ASB3: variants seen among roughly 807,000 people sequenced by gnomAD.
The protein encoded by ASB3 is ankyrin repeat and SOCS box protein 3.
Under a neutral mutation model 54.5 loss-of-function variants are expected in ASB3, and 41 were observed. That is an observed-to-expected ratio of 0.75 (90% CI 0.59 to 0.98). The LOEUF (loss-of-function observed/expected upper bound fraction) is 0.98. Ranked by LOEUF, ASB3 falls within the 50% of genes least tolerant of loss-of-function variation. ASB3 has a pLI of 0.00. For missense variants in ASB3, 733 were observed against 620.0 expected (o/e 1.18, Z -1.94); for synonymous variants, 266 against 221.2 (o/e 1.20, Z -1.80).
chr2:53,720,226 G>C (rs1210465344), intron 5 of ASB3, among the ~76,000 whole-genome samples: 5 of 151,622 alleles, frequency 3.3e-5, no homozygotes. Flanking sequence ...CGCTTTTCCA[G>C]ACAGAACCAA....
intron 2 of ASB3, among the ~76,000 whole-genome samples, chr2:53,757,835 C>T (rs1163431726): frequency 6.6e-6 from 1 of 152,210 alleles, no homozygotes; most frequent in Non-Finnish European, 1.5e-5. Flanking sequence ...ATGTAAGATG[C>T]TCTCCTCCCC....
In ASB3 at chr2:53,748,620, C is replaced by T. The variant is rs561622100; in HGVS notation, c.355+2163G>A. Among the ~76,000 whole-genome samples, 13 of 152,264 alleles carry T rather than the reference C, an allele frequency of 8.5e-5. No homozygotes were observed. In the South Asian group the frequency reaches 2.1e-3, roughly 24 times the overall value. On this transcript the variant is annotated intron_variant, in intron 3 of 9. Coordinates refer to ENST00000263634, the MANE Select transcript of ASB3 (RefSeq NM_016115.5). ...TTCTGTGGTATTCCTGCCAGAAACACAAACCCTGAACCTTATCAGGAAGAA... is the reference window on the plus strand; with the variant it reads ...TTCTGTGGTATTCCTGCCAGAAACATAAACCCTGAACCTTATCAGGAAGAA...
chr2:53,734,394 C>CT (rs975338189), intron 3 of ASB3, among the ~76,000 whole-genome samples: 21 of 152,234 alleles, frequency 1.4e-4, no homozygotes, highest in Admixed American at 8.5e-4. Flanking sequence ...CTCTCACTTT[C>CT]TTTTTTTACC....
At chr2:53,709,972 C>T (rs751871693) in intron 7 of ASB3, among the ~76,000 whole-genome samples, 1 of 152,142 alleles carries the variant, frequency 6.6e-6, no homozygotes, top group Non-Finnish European at 1.5e-5. Context: ...AGAGAGAAAC[C>T]GAGGTTTCCT....
At chr2:53,705,298 C>G (rs542774430) in intron 7 of ASB3, among the ~76,000 whole-genome samples, 47 of 152,146 alleles carry the variant, frequency 3.1e-4, no homozygotes, top group Non-Finnish European at 5.9e-4. Flanking sequence ...GAAAATCGCT[C>G]ATATGCCCTT....
intron 1 of ASB3, among the ~76,000 whole-genome samples, chr2:53,775,758 G>A (rs1405182900): frequency 1.3e-5 from 2 of 152,206 alleles, no homozygotes; most frequent in Non-Finnish European, 2.9e-5. Flanking sequence ...TTACAGGTGT[G>A]AGCCACCATG....
At position 53,765,174 on chromosome 2, in the gene ASB3, G is replaced by A. The variant is rs201656328; in HGVS notation, c.196+203C>T. ...AAAGAGGCCAGACAGAGGCACTTCC[G>A]TATAAGATGTCCAACTAGAGTATCA... On this transcript the variant is annotated intron_variant, in intron 2 of 9. Coordinates refer to ENST00000263634, the MANE Select transcript of ASB3 (RefSeq NM_016115.5). Among the ~76,000 whole-genome samples the A allele has an allele frequency of 7.9e-5, 12 of 152,254 alleles. No homozygotes were observed. The East Asian group carries it at 2.1e-3, about 27-fold the overall frequency.
At chr2:53,739,578 T>C (rs1671821985) in intron 3 of ASB3, among the ~76,000 whole-genome samples, 1 of 152,252 alleles carries the variant, frequency 6.6e-6, no homozygotes, top group South Asian at 2.1e-4. Flanking sequence ...ATAACAATTC[T>C]GTACAAATTA....
chr2:53,679,755 T>G (rs1014510772), intron 9 of ASB3, among the ~76,000 whole-genome samples: 7 of 152,198 alleles, frequency 4.6e-5, no homozygotes, highest in African/African-American at 1.4e-4. Context: ...TTTTTAAATT[T>G]AATTTTTAAG....
chr2:53,706,419 T>C (rs141719520), intron 7 of ASB3, among the ~76,000 whole-genome samples: 1 of 152,262 alleles, frequency 6.6e-6, no homozygotes, highest in Non-Finnish European at 1.5e-5. Flanking sequence ...AAATATTATG[T>C]CTTTAAAAAG....
intron 9 of ASB3, among the ~76,000 whole-genome samples, chr2:53,682,680 T>C (rs1668438684): frequency 6.6e-6 from 1 of 152,096 alleles, no homozygotes; most frequent in South Asian, 2.1e-4. Flanking sequence ...TTTCACCATA[T>C]TGGCCAGGCT....
At chr2:53,767,988 G>C in intron 1 of ASB3, 2 of 1,611,504 alleles carry the variant, frequency 1.2e-6, no homozygotes, top group Non-Finnish European at 1.7e-6. Context: ...GCTTCTGGCA[G>C]GGCAGCACGG....
At chr2:53,731,753 A>C (rs543290076) in intron 3 of ASB3, among the ~76,000 whole-genome samples, 25 of 152,210 alleles carry the variant, frequency 1.6e-4, no homozygotes, top group Admixed American at 1.1e-3. Flanking sequence ...CCCAGGTTCA[A>C]GCAATTCTCC....
chr2:53,741,264 A>G (rs1370485973), intron 3 of ASB3, among the ~76,000 whole-genome samples: 2 of 152,248 alleles, frequency 1.3e-5, no homozygotes, highest in African/African-American at 2.4e-5. Context: ...TGAAGAATGA[A>G]GAGACAATTG....
At chr2:53,686,061 T>G (rs532437243) in intron 9 of ASB3, among the ~76,000 whole-genome samples, 1 of 152,200 alleles carries the variant, frequency 6.6e-6, no homozygotes, top group Non-Finnish European at 1.5e-5. Flanking sequence ...ATAGCCTTTT[T>G]AAAGCCGCGT....
chr2:53,737,424 T>C (rs1671701228), intron 3 of ASB3, among the ~76,000 whole-genome samples: 2 of 151,864 alleles, frequency 1.3e-5, no homozygotes, highest in South Asian at 4.2e-4. Context: ...AAGAGTGAAT[T>C]GTGCAGACAG....
intron 3 of ASB3, among the ~76,000 whole-genome samples, chr2:53,735,164 C>A (rs1443412270): frequency 6.6e-6 from 1 of 152,058 alleles, no homozygotes; most frequent in Non-Finnish European, 1.5e-5. Flanking sequence ...CAGTGACTAG[C>A]CTGCCTCGGC....
intron 1 of ASB3, 42 bp from the exon 2 acceptor site, chr2:53,765,627 C>A (rs762143935): frequency 1.2e-6 from 2 of 1,610,302 alleles, no homozygotes; most frequent in African/African-American, 2.7e-5. Flanking sequence ...GTCAATAAAA[C>A]AACACTTCAC....
At chr2:53,781,376 C>T (rs1370319695) in intron 1 of ASB3, among the ~76,000 whole-genome samples, 1 of 150,134 alleles carries the variant, frequency 6.7e-6, no homozygotes, top group African/African-American at 2.5e-5. Flanking sequence ...CATGCCATTG[C>T]ACTCTAGTCT....
Sources: allele counts gnomAD v4.1 joint callset (sites outside exome capture counted in the v4.1 genomes callset), GRCh38; gene constraint gnomAD v4.1.1; transcripts MANE v1.5; gene names NCBI Gene and HGNC (gene_info 2026-07-23, HGNC 2026-07-21).